Variants in KCNK13 observed in about 807,000 individuals in gnomAD.
KCNK13 encodes the protein potassium channel subfamily K member 13.
A neutral mutation model predicts 23.4 loss-of-function variants in KCNK13; 12 were observed. The ratio of observed to expected loss-of-function variants is 0.51; its 90% CI spans 0.33 to 0.83. The LOEUF (loss-of-function observed/expected upper bound fraction) is 0.83. KCNK13 is among the 40% of genes least tolerant of loss of function. KCNK13 has a pLI of 0.02. For missense variants in KCNK13, 463 were observed against 556.3 expected (o/e 0.83, Z 1.69); for synonymous variants, 231 against 229.5 (o/e 1.01, Z -0.06).
intron 1 of KCNK13, among the ~76,000 whole-genome samples, chr14:90,150,487 C>G (rs968741638): frequency 6.6e-6 from 1 of 152,134 alleles, no homozygotes; most frequent in African/African-American, 2.4e-5. Context: ...AGGTAAAATT[C>G]TCAATCTGTC....
intron 1 of KCNK13, among the ~76,000 whole-genome samples, chr14:90,125,771 C>T (rs536788302): frequency 6.6e-6 from 1 of 151,910 alleles, no homozygotes; most frequent in Non-Finnish European, 1.5e-5. Flanking sequence ...ACCTGTAATC[C>T]CAGCATTTTG....
At chr14:90,101,104 T>C (rs1243672195) in intron 1 of KCNK13, among the ~76,000 whole-genome samples, 4 of 152,202 alleles carry the variant, frequency 2.6e-5, no homozygotes, top group African/African-American at 7.2e-5. Context: ...CTGTTCAGTT[T>C]CTCAGTCTGT....
intron 1 of KCNK13, chr14:90,107,848 A>C: frequency 1.2e-6 from 1 of 847,910 alleles, no homozygotes; most frequent in Non-Finnish European, 2.1e-6. Flanking sequence ...ACAAGATTCA[A>C]GATTATTTGG....
At chr14:90,133,937 GA>G (rs908239177) in intron 1 of KCNK13, among the ~76,000 whole-genome samples, 3 of 152,150 alleles carry the variant, frequency 2.0e-5, no homozygotes, top group Non-Finnish European at 4.4e-5. Flanking sequence ...CTAGAGAAGA[GA>G]AAATGGATTC....
rs776599250 is a variant in KCNK13, at chr14:90,184,319, G to A, written c.543G>A (p.Gln181=). 2.5e-6 allele frequency: 4 copies of A among 1,614,240 alleles called. No individual in the cohort carries two copies. The South Asian group carries it at 4.4e-5, about 18-fold the overall frequency. Residue 181 remains glutamine (Q), a synonymous_variant, in exon 2 of 2, where the codon CAG becomes CAA. Coordinates refer to ENST00000282146, the MANE Select transcript of KCNK13 (RefSeq NM_022054.4). This position sits in a 1 kb window ranked among gnomAD's most constrained non-coding sequence, Gnocchi z 5.6. The part of the protein sequence containing the change: ...LPQESLKDAG[Q]CEVDSLAGWK... ...AGGAGAGCCTGAAGGATGCGGGGCAGTGTGAGGTGGACAGCCTGGCCGGCT... is the reference window on the plus strand; with the variant it reads ...AGGAGAGCCTGAAGGATGCGGGGCAATGTGAGGTGGACAGCCTGGCCGGCT...
intron 1 of KCNK13, among the ~76,000 whole-genome samples, chr14:90,089,012 C>T (rs1795784424): frequency 6.6e-6 from 1 of 152,150 alleles, no homozygotes; most frequent in African/African-American, 2.4e-5. Flanking sequence ...TCTTCCCAGT[C>T]TCGGATATGT....
At chr14:90,142,313 C>CTTTTTTTTTTTTTTTTT (rs59863610) in intron 1 of KCNK13, among the ~76,000 whole-genome samples, 1 of 85,248 alleles carries the variant, frequency 1.2e-5, no homozygotes, top group Non-Finnish European at 2.0e-5. Context: ...CTGTCCAATT[C>CTTTTTTTTTTTTTTTTT]TTTTTTTTTT....
Position 90,122,500 on chromosome 14 carries a change from C to T in KCNK13, c.334+59961C>T, listed in dbSNP as rs567618430. On this transcript the variant is annotated intron_variant, in intron 1 of 1. Transcript: ENST00000282146. ...GAATACAGGTGCCTGCCACCACACC[C>T]GGCTAAATTTTTTTTTTGTATTTTT... Among the ~76,000 whole-genome samples, 10 of 152,036 alleles carry T rather than the reference C, an allele frequency of 6.6e-5. 1 individual carries two copies. Among genetic ancestry groups the T allele is most frequent in the Admixed American group, 4.6e-4 (7 of 15,250 alleles).
chr14:90,094,131 G>C (rs1009922768), intron 1 of KCNK13, among the ~76,000 whole-genome samples: 3 of 152,104 alleles, frequency 2.0e-5, no homozygotes, highest in African/African-American at 7.2e-5. Context: ...CCCTGTGTGT[G>C]CCTGCACCTT....
At chr14:90,158,676 G>C (rs563331613) in intron 1 of KCNK13, among the ~76,000 whole-genome samples, 83 of 152,314 alleles carry the variant, frequency 5.4e-4, no homozygotes, top group African/African-American at 1.8e-3. Context: ...GAGGGAGAAG[G>C]TTCCCTTCCT....
chr14:90,131,028 G>A (rs1189708579), intron 1 of KCNK13, among the ~76,000 whole-genome samples: 1 of 152,058 alleles, frequency 6.6e-6, no homozygotes, highest in African/African-American at 2.4e-5. Context: ...CCTCATCTAT[G>A]AATTTGGATC....
intron 1 of KCNK13, among the ~76,000 whole-genome samples, chr14:90,146,565 C>T (rs962908796): frequency 2.6e-5 from 4 of 152,186 alleles, no homozygotes; most frequent in African/African-American, 4.8e-5. Flanking sequence ...ATCCACCCAC[C>T]TCAGCCTCCC....
At chr14:90,117,568 C>A (rs375455972) in intron 1 of KCNK13, among the ~76,000 whole-genome samples, 48 of 151,924 alleles carry the variant, frequency 3.2e-4, no homozygotes, top group Middle Eastern at 3.4e-3. Context: ...CCAGCCTGGG[C>A]GAGACAGAGC....
chr14:90,099,557 A>G (rs1003663177), intron 1 of KCNK13, among the ~76,000 whole-genome samples: 5 of 152,190 alleles, frequency 3.3e-5, no homozygotes, highest in Non-Finnish European at 5.9e-5. Flanking sequence ...TGGCTCAACA[A>G]TTGGCTGTAT....
chr14:90,152,609 G>T (rs1259315032), intron 1 of KCNK13, among the ~76,000 whole-genome samples: 1 of 151,942 alleles, frequency 6.6e-6, no homozygotes, highest in Non-Finnish European at 1.5e-5. Flanking sequence ...CCAGCCATGT[G>T]GAACTGTGAG....
At chr14:90,150,962 G>T (rs1295138153) in intron 1 of KCNK13, among the ~76,000 whole-genome samples, 1 of 152,032 alleles carries the variant, frequency 6.6e-6, no homozygotes, top group Non-Finnish European at 1.5e-5. Flanking sequence ...CTGGGTGATA[G>T]AGCAAGACCT....
At chr14:90,101,791 A>AAAAAAAAAAAAAAAAAAAAAAAAAAC (rs1889482087) in intron 1 of KCNK13, among the ~76,000 whole-genome samples, 1 of 51,078 alleles carries the variant, frequency 2.0e-5, no homozygotes, top group Non-Finnish European at 3.6e-5. Context: ...CTCCGTCTCC[A>AAAAAAAAAAAAAAAAAAAAAAAAAAC]AAAAAAAAAA....
chr14:90,147,893 G>A (rs1264184563), intron 1 of KCNK13, among the ~76,000 whole-genome samples: 4 of 152,098 alleles, frequency 2.6e-5, no homozygotes, highest in African/African-American at 7.2e-5. Context: ...TATAGGAGCC[G>A]GGCATGGTGG....
chr14:90,119,947 G>A (rs542561246), intron 1 of KCNK13, among the ~76,000 whole-genome samples: 12 of 152,248 alleles, frequency 7.9e-5, no homozygotes, highest in African/African-American at 2.6e-4. Flanking sequence ...AGGGGTACAT[G>A]TGCAGGTTTG....
Sources: gnomAD v4.1 joint callset for allele counts (sites outside exome capture counted in the v4.1 genomes callset) on GRCh38, gnomAD v4.1.1 for gene constraint, Gnocchi (gnomAD v3.1) non-coding constraint, MANE v1.5 for transcripts, NCBI Gene and HGNC (gene_info 2026-07-23, HGNC 2026-07-21) for gene names.